IL17RB: variants seen among roughly 807,000 people sequenced by gnomAD.
The protein encoded by IL17RB is interleukin 17 receptor B.
Under a neutral mutation model 43.9 loss-of-function variants are expected in IL17RB, and 36 were observed. The ratio of observed to expected loss-of-function variants is 0.82; its 90% CI spans 0.63 to 1.08. The LOEUF is 1.08. IL17RB is among the 50% of genes least tolerant of loss of function. The probability of loss-of-function intolerance (pLI) is 0.00; values close to 1 mark genes in which losing one functional copy is unlikely to be tolerated. For synonymous variants in IL17RB, 225 were observed against 225.4 expected, an observed-to-expected ratio of 1.00 and a Z score of 0.02; for missense variants, 613 against 613.6, an observed-to-expected ratio of 1.00 and a Z score of 0.01.
At chr3:53,848,239 T>G (rs1559772247) in intron 1 of IL17RB, among the ~76,000 whole-genome samples, 2 of 152,262 alleles carry the variant, frequency 1.3e-5, no homozygotes, top group African/African-American at 4.8e-5. Flanking sequence ...TTCTTTTGTT[T>G]ATCTCCTTAG....
rs1699753665 is a variant in IL17RB at position 53,865,449 on chromosome 3, A to T, written c.*141A>T. 1.6e-5 allele frequency: 10 copies of T among 607,090 alleles called. No homozygotes were observed. The East Asian group carries it at 2.8e-4, about 17-fold the overall frequency. The allele number at this position is 607,090 out of a possible 1,614,324, so 37.6% of individuals were successfully genotyped here. On this transcript the variant is annotated 3_prime_UTR_variant, in exon 11 of 11. Transcript: ENST00000288167. Reference sequence around the variant, plus strand: ...AACATTTTATACCAATAAAATTTTCAAATATTGCTAACTAATGTAGCATTA... The same window carrying T: ...AACATTTTATACCAATAAAATTTTCTAATATTGCTAACTAATGTAGCATTA...
chr3:53,846,690 C>G lies in IL17RB; in HGVS notation c.60+42C>G, dbSNP rs1233356074. ...ACCTCTTCCCTCATCTCCCGGCCCT[C>G]GAGCCCAGATCCTGACGTCGTCTGA... On this transcript the variant is annotated intron_variant, in intron 1 of 10. Transcript: ENST00000288167. 5.8e-6 allele frequency: 9 copies of G among 1,545,454 alleles called. No homozygotes were observed. In the East Asian group the frequency reaches 1.5e-4, roughly 26 times the overall value.
intron 3 of IL17RB, among the ~76,000 whole-genome samples, chr3:53,851,765 T>C (rs3774619): frequency 6.6e-6 from 1 of 151,612 alleles, no homozygotes; most frequent in Non-Finnish European, 1.5e-5. Flanking sequence ...CTTTGGAATC[T>C]GAATTCGTAT....
chr3:53,847,716 C>A (rs1698975790), intron 1 of IL17RB, among the ~76,000 whole-genome samples: 1 of 152,056 alleles, frequency 6.6e-6, no homozygotes, highest in South Asian at 2.1e-4. Flanking sequence ...ATCACTTGAA[C>A]CCGGGAGCCA....
chr3:53,860,841 C>T (rs1021870655), intron 10 of IL17RB: 7 of 152,124 alleles, frequency 4.6e-5, no homozygotes, highest in Non-Finnish European at 4.4e-5. Context: ...TCATTTCCTA[C>T]CATACCAATA....
At chr3:53,864,665 A>T (rs918131760) in intron 10 of IL17RB, 81 bp from the exon 11 acceptor site, 1 of 1,056,582 alleles carries the variant, frequency 9.5e-7, no homozygotes, top group Non-Finnish European at 1.4e-6. Context: ...CTAGCAAGGG[A>T]TCATTTGTCA....
chr3:53,846,639 C>T lies in IL17RB; in HGVS notation c.51C>T (p.Pro17=), dbSNP rs766750420. The change falls in exon 1 of 11, where the codon CCC becomes CCT. Residue 17 remains proline, a synonymous_variant. Coordinates refer to ENST00000288167, the MANE Select transcript of IL17RB (RefSeq NM_018725.4). ...SLAALCRSAV[P]REPTVQCGSE... ...CCGCGCTGTGCAGGAGCGCCGTACCCCGAGAGCCGGTAAGCCCCCGCCAGC... is the reference window on the plus strand; with the variant it reads ...CCGCGCTGTGCAGGAGCGCCGTACCTCGAGAGCCGGTAAGCCCCCGCCAGC... 43 of 1,592,396 alleles carry T rather than the reference C, an allele frequency of 2.7e-5. No homozygotes were observed. The highest frequency in any genetic ancestry group is 3.3e-5 in the Non-Finnish European group (39 of 1,172,614).
At position 53,855,473 on chromosome 3, in the gene IL17RB, G is replaced by T; in HGVS notation, c.529+132G>T. On this transcript the variant is annotated intron_variant, in intron 6 of 10. Coordinates refer to ENST00000288167, the MANE Select transcript of IL17RB (RefSeq NM_018725.4). ...GAATATCCAAGCACCCCCGATGGTG[G>T]TGGCAGAAGCACCTATGGCTCCTGA... 4.9e-6 allele frequency: 3 copies of T among 607,154 alleles called. No homozygotes were observed. The South Asian group carries it at 6.5e-5, about 13-fold the overall frequency. 37.6% of individuals were successfully genotyped at this position (607,154 alleles called of 1,614,324 possible).
Position 53,846,659 on chromosome 3 carries a change from G to C in IL17RB, c.60+11G>C, listed in dbSNP as rs757139908. On this transcript the variant is annotated intron_variant, in intron 1 of 10. Transcript: ENST00000288167. ...GTACCCCGAGAGCCGGTAAGCCCCC[G>C]CCAGCACCTCTTCCCTCATCTCCCG... 6.3e-7 allele frequency: 1 copy of C among 1,587,472 alleles called. No homozygotes were observed. Among genetic ancestry groups the C allele is most frequent in the South Asian group, 1.1e-5 (1 of 87,784 alleles).
At position 53,856,933 on chromosome 3, in the gene IL17RB, T is replaced by C; in HGVS notation, c.619T>C (p.Tyr207His). Residue 207 changes from tyrosine to histidine, a missense_variant, in exon 7 of 11, where the codon TAC (tyrosine) becomes CAC (histidine). Coordinates refer to ENST00000288167, the MANE Select transcript of IL17RB (RefSeq NM_018725.4). The part of the protein sequence containing the change: ...NFTTTPLGNR[Y>H]MALIQHSTII... The stretch of plus-strand genomic sequence containing the variant: ...CACAACCACTCCCCTGGGAAACAGA[T>C]ACATGGCTCTTATCCAACACAGCAC... 6.2e-7 allele frequency: 1 copy of C among 1,614,136 alleles called. No homozygotes were observed. The highest frequency in any genetic ancestry group is 1.7e-4 in the Middle Eastern group (1 of 6,036).
chr3:53,865,363 G>A lies in IL17RB; in HGVS notation c.*55G>A, dbSNP rs1699750429. On this transcript the variant is annotated 3_prime_UTR_variant, in exon 11 of 11. Transcript: ENST00000288167. ...GGCTTCCTATCCCACCAATTACAGG[G>A]AAAAAACGTGTGATGATCCTGAAGC... The A allele has an allele frequency of 4.4e-6, 6 of 1,376,946 alleles. No individual in the cohort carries two copies. Among genetic ancestry groups the A allele is most frequent in the Admixed American group, 4.4e-5 (2 of 45,502 alleles). The allele number at this position is 1,376,946 out of a possible 1,614,324, so 85.3% of individuals were successfully genotyped here.
chr3:53,856,066 C>A (rs1258025300), intron 6 of IL17RB, among the ~76,000 whole-genome samples: 1 of 152,180 alleles, frequency 6.6e-6, no homozygotes, highest in Non-Finnish European at 1.5e-5. Flanking sequence ...TCCATGCTGT[C>A]CTTGCTAGAA....
intron 2 of IL17RB, among the ~76,000 whole-genome samples, 192 bp from the exon 3 acceptor site, chr3:53,849,463 G>A (rs1699051591): frequency 6.6e-6 from 1 of 151,884 alleles, no homozygotes; most frequent in Non-Finnish European, 1.5e-5. Flanking sequence ...ATCATTTGAG[G>A]CCAGGAGTTT....
At position 53,852,054 on chromosome 3, in the gene IL17RB, C is replaced by G. The variant is rs1444877975; in HGVS notation, c.282C>G (p.Phe94Leu). 1 of 1,614,168 alleles carries G rather than the reference C, an allele frequency of 6.2e-7. No homozygotes were observed. The highest frequency in any genetic ancestry group is 2.2e-5 in the East Asian group (1 of 44,882). Residue 94 changes from phenylalanine (F) to leucine (L), a missense_variant, in exon 4 of 11, where the codon TTC becomes TTG. Phe to Leu is a conservative substitution (Grantham distance 22, BLOSUM62 0). Coordinates refer to ENST00000288167, the MANE Select transcript of IL17RB (RefSeq NM_018725.4). The stretch of plus-strand genomic sequence containing the variant: ...TTTGTGTGACGGGCAAAAGCAACTT[C>G]CAGTCCTACAGCTGTGTGAGGTGCA... ...TKICVTGKSN[F>L]QSYSCVRCNY...
At position 53,846,639 on chromosome 3, in the gene IL17RB, C is replaced by G. The variant is rs766750420; in HGVS notation, c.51C>G (p.Pro17=). Residue 17 remains proline (P), a synonymous_variant, in exon 1 of 11, where the codon CCC becomes CCG. Transcript: ENST00000288167. ...SLAALCRSAV[P]REPTVQCGSE... Reference sequence around the variant, plus strand: ...CCGCGCTGTGCAGGAGCGCCGTACCCCGAGAGCCGGTAAGCCCCCGCCAGC... The same window carrying G: ...CCGCGCTGTGCAGGAGCGCCGTACCGCGAGAGCCGGTAAGCCCCCGCCAGC... 1 of 1,592,514 alleles carries G rather than the reference C, an allele frequency of 6.3e-7. No homozygotes were observed. Among genetic ancestry groups the G allele is most frequent in the Non-Finnish European group, 8.5e-7 (1 of 1,172,606 alleles).
intron 6 of IL17RB, 51 bp downstream of exon 6, chr3:53,855,392 A>G: frequency 8.0e-7 from 1 of 1,254,772 alleles, no homozygotes; most frequent in Non-Finnish European, 1.2e-6. Flanking sequence ...TTGTAACTTG[A>G]GGCAGCATAG....
chr3:53,857,400 C>T (rs1313383298), intron 7 of IL17RB, among the ~76,000 whole-genome samples: 2 of 152,140 alleles, frequency 1.3e-5, no homozygotes, highest in African/African-American at 4.8e-5. Flanking sequence ...ATCCTCCCAC[C>T]TCAGCCTCCC....
intron 8 of IL17RB, chr3:53,858,089 C>T (rs6774651): frequency 0.035 from 7,156 of 205,138 alleles, 566 homozygotes; most frequent in African/African-American, 0.16. Context: ...CTCTCTGGGC[C>T]GCAGCGGACC....
At chr3:53,850,105 T>C (rs1391106897) in intron 3 of IL17RB, among the ~76,000 whole-genome samples, 2 of 152,234 alleles carry the variant, frequency 1.3e-5, no homozygotes, top group Non-Finnish European at 2.9e-5. Context: ...TCAAAAGAGT[T>C]TGTACATTTA....
Sources: gnomAD v4.1 joint callset for allele counts (sites outside exome capture counted in the v4.1 genomes callset) on GRCh38, gnomAD v4.1.1 for gene constraint, MANE v1.5 for transcripts, NCBI Gene and HGNC (gene_info 2026-07-23, HGNC 2026-07-21) for gene names.